FNDC1: variants seen among roughly 807,000 people sequenced by gnomAD.
FNDC1 encodes fibronectin type III domain-containing protein 1.
In FNDC1, 96 loss-of-function variants were observed where a neutral mutation model predicts 168.0. The ratio of observed to expected loss-of-function variants is 0.57; its 90% CI spans 0.48 to 0.68. FNDC1 has a LOEUF of 0.68. Ranked by LOEUF, FNDC1 falls within the 30% of genes least tolerant of loss-of-function variation. The probability of loss-of-function intolerance (pLI) is 0.00; values close to 1 mark genes in which losing one functional copy is unlikely to be tolerated. For missense variants in FNDC1, 2,587 were observed against 2,482.1 expected (o/e 1.04, Z -0.90); for synonymous variants, 1,099 against 1,025.9 (o/e 1.07, Z -1.36).
In FNDC1 at chr6:159,234,055, G is replaced by A; in HGVS notation, c.3543G>A (p.Glu1181=). Residue 1181 remains glutamate (E), a synonymous_variant, in exon 11 of 23, where the codon GAG becomes GAA. Transcript: ENST00000297267. The part of the protein sequence containing the change: ...SQQSVSAEDD[E]EEDAGFFKGG... ...AGTCGGTCTCAGCCGAGGACGACGA[G>A]GAGGAGGACGCGGGATTTTTTAAAG... 2 of 1,612,166 alleles carry A rather than the reference G, an allele frequency of 1.2e-6. No homozygotes were observed. Among genetic ancestry groups the A allele is most frequent in the Non-Finnish European group, 1.7e-6 (2 of 1,179,056 alleles).
At chr6:159,261,154 A>G (rs757796306) in intron 18 of FNDC1, 36 bp from the exon 19 acceptor site, 1 of 1,504,372 alleles carries the variant, frequency 6.6e-7, no homozygotes, top group South Asian at 1.1e-5. Flanking sequence ...AATCAAATAC[A>G]TGTCTCTTTC....
Position 159,261,265 on chromosome 6 carries a change from A to T in FNDC1, c.5250A>T (p.Glu1750Asp). 6.2e-7 allele frequency: 1 copy of T among 1,609,212 alleles called. No homozygotes were observed. The highest frequency in any genetic ancestry group is 8.5e-7 in the Non-Finnish European group (1 of 1,176,034). ...PISPSVSFVT[E>D]SDNPLLVVRP... ...GCCCTTCGGTCTCATTTGTCACCGA[A>T]TCAGGTATGAATGACTTCACATTCT... Residue 1750 changes from glutamate to aspartate, a missense_variant, in exon 19 of 23, where the codon GAA becomes GAT. Transcript: ENST00000297267.
At chr6:159,227,646 C>CTT (rs10537794) in intron 9 of FNDC1, among the ~76,000 whole-genome samples, 29 of 135,958 alleles carry the variant, frequency 2.1e-4, no homozygotes, top group Non-Finnish European at 4.1e-4. Context: ...TCTTCTTTCT[C>CTT]TTTTTTTTTT....
chr6:159,248,467 A>C (rs573514888), intron 15 of FNDC1, among the ~76,000 whole-genome samples: 142 of 152,034 alleles, frequency 9.3e-4, no homozygotes, highest in African/African-American at 3.3e-3. Flanking sequence ...CACCATGCCC[A>C]GCTAATTTTT....
intron 17 of FNDC1, among the ~76,000 whole-genome samples, chr6:159,252,661 A>G (rs146378240): frequency 1.6e-4 from 25 of 152,348 alleles, no homozygotes; most frequent in African/African-American, 5.5e-4. Context: ...AATAGAATGC[A>G]AATCAATCAA....
At chr6:159,252,799 A>G (rs1777296651) in intron 17 of FNDC1, among the ~76,000 whole-genome samples, 1 of 152,244 alleles carries the variant, frequency 6.6e-6, no homozygotes, top group African/African-American at 2.4e-5. Context: ...ACCTTACTTT[A>G]AGCTGTTTAG....
chr6:159,204,703 G>T (rs1782453795), intron 4 of FNDC1, among the ~76,000 whole-genome samples: 1 of 152,202 alleles, frequency 6.6e-6, no homozygotes, highest in East Asian at 1.9e-4. Flanking sequence ...TGATGGCTGG[G>T]CTTTGTGAGA....
chr6:159,172,161 A>G (rs960092097), intron 1 of FNDC1, among the ~76,000 whole-genome samples: 3 of 152,210 alleles, frequency 2.0e-5, no homozygotes, highest in African/African-American at 4.8e-5. Flanking sequence ...TAATAGTGTA[A>G]ATAAATGGGA....
At chr6:159,192,127 T>A (rs770993838) in intron 1 of FNDC1, among the ~76,000 whole-genome samples, 9 of 152,098 alleles carry the variant, frequency 5.9e-5, no homozygotes, top group Non-Finnish European at 1.2e-4. Flanking sequence ...ATCCACCTGC[T>A]TCAGCCTCCC....
chr6:159,171,295 A>G (rs906197811), intron 1 of FNDC1, among the ~76,000 whole-genome samples: 112 of 152,364 alleles, frequency 7.4e-4, no homozygotes, highest in African/African-American at 2.7e-3. Flanking sequence ...GGACAGGCAC[A>G]TTTCAGAATG....
intron 1 of FNDC1, among the ~76,000 whole-genome samples, chr6:159,182,614 G>A (rs1205515618): frequency 6.6e-6 from 1 of 152,206 alleles, no homozygotes; most frequent in East Asian, 1.9e-4. Context: ...ATGTGCCAAT[G>A]TAGTGCTTCC....
intron 1 of FNDC1, among the ~76,000 whole-genome samples, chr6:159,181,287 C>T (rs1781872751): frequency 6.6e-6 from 1 of 152,194 alleles, no homozygotes; most frequent in South Asian, 2.1e-4. Context: ...CACTGGGCCA[C>T]AGCTCAGATG....
At chr6:159,197,274 T>C (rs1782264412) in intron 1 of FNDC1, among the ~76,000 whole-genome samples, 157 bp from the exon 2 acceptor site, 2 of 152,270 alleles carry the variant, frequency 1.3e-5, no homozygotes, top group Admixed American at 1.3e-4. Context: ...GTTGTCACAC[T>C]GTAATGCTGT....
rs1783188219 is a variant in FNDC1 at position 159,234,171 on chromosome 6, C to T, written c.3659C>T (p.Ala1220Val). 6.3e-7 allele frequency: 1 copy of T among 1,599,236 alleles called. No individual in the cohort carries two copies. The highest frequency in any genetic ancestry group is 2.2e-5 in the East Asian group (1 of 44,646). ...RGGKDADGSL[A>V]KEEREPAIAL... Reference sequence around the variant, plus strand: ...GGCAAAGACGCCGATGGGAGCCTCGCCAAGGAAGAGAGGGAGCCTGCCATC... The same window carrying T: ...GGCAAAGACGCCGATGGGAGCCTCGTCAAGGAAGAGAGGGAGCCTGCCATC... Residue 1220 changes from alanine (A) to valine (V), a missense_variant, in exon 11 of 23, where the codon GCC becomes GTC. Coordinates refer to ENST00000297267, the MANE Select transcript of FNDC1 (RefSeq NM_032532.3).
rs1454709127 is a variant in FNDC1, at chr6:159,265,089, G to T, written c.5284+85G>T. ...AGATTGTTGTGATTACTCACAATTA[G>T]AAAGTCTGGACCATTTTCACAATTT... is the stretch of plus-strand genomic sequence containing the variant. On this transcript the variant is annotated intron_variant, in intron 20 of 22. Transcript: ENST00000297267. 4 of 1,206,226 alleles carry T rather than the reference G, an allele frequency of 3.3e-6. No homozygotes were observed. The African/African-American group carries it at 6.1e-5, about 18-fold the overall frequency. 74.7% of individuals were successfully genotyped at this position (1,206,226 alleles called of 1,614,324 possible). A position where few individuals can be genotyped will look rare whatever the true frequency, so the allele number is the denominator to read the frequency against.
Position 159,233,297 on chromosome 6 carries a change from C to G in FNDC1, c.2785C>G (p.Pro929Ala), listed in dbSNP as rs1241360977. 2 of 1,613,834 alleles carry G rather than the reference C, an allele frequency of 1.2e-6. No homozygotes were observed. Residue 929 changes from proline (P) to alanine (A), a missense_variant, in exon 11 of 23, where the codon CCC (proline) becomes GCC (alanine). Pro to Ala is a conservative substitution (Grantham distance 27). Coordinates refer to ENST00000297267, the MANE Select transcript of FNDC1 (RefSeq NM_032532.3). This position sits in a 1 kb window ranked among gnomAD's most constrained non-coding sequence, Gnocchi z 4.6. ...TCGGAAGGAACCCATCCCAGAGAAC[C>G]CCAAATCCACAGGGGCAGATACACA... is the stretch of plus-strand genomic sequence containing the variant. The part of the protein sequence containing the change: ...LHRKEPIPEN[P>A]KSTGADTHPQ...
In FNDC1 at chr6:159,266,182, T is replaced by A; in HGVS notation, c.5383T>A (p.Phe1795Ile). 1 of 1,613,948 alleles carries A rather than the reference T, an allele frequency of 6.2e-7. No homozygotes were observed. The highest frequency in any genetic ancestry group is 8.5e-7 in the Non-Finnish European group (1 of 1,179,876). Residue 1795 changes from phenylalanine to isoleucine, a missense_variant, in exon 21 of 23, where the codon TTC (phenylalanine) becomes ATC (isoleucine). By Grantham distance (21) the Phe-to-Ile change is conservative. Coordinates refer to ENST00000297267, the MANE Select transcript of FNDC1 (RefSeq NM_032532.3). ...TGTGAAGCGCACGTGGTATCGAAAGTTCGTGGGAGTTGTTCTTTGTAATTC... is the reference window on the plus strand; with the variant it reads ...TGTGAAGCGCACGTGGTATCGAAAGATCGTGGGAGTTGTTCTTTGTAATTC... ...QYVKRTWYRK[F>I]VGVVLCNSLR...
intron 5 of FNDC1, among the ~76,000 whole-genome samples, chr6:159,216,052 C>T (rs1288561942): frequency 6.6e-6 from 1 of 152,154 alleles, no homozygotes; most frequent in Non-Finnish European, 1.5e-5. Flanking sequence ...ACCTCCGCCT[C>T]CCGGGTTCAG....
Position 159,236,319 on chromosome 6 carries a change from G to A in FNDC1, c.4068+4G>A, listed in dbSNP as rs1783258313. 2 of 1,603,514 alleles carry A rather than the reference G, an allele frequency of 1.2e-6. No individual in the cohort carries two copies. The highest frequency in any genetic ancestry group is 1.3e-5 in the African/African-American group (1 of 74,856). On this transcript the variant is annotated splice_donor_region_variant and intron_variant, in intron 12 of 22. Transcript: ENST00000297267. Reference sequence around the variant, plus strand: ...TGGCCCTCAAGGAACAAAGTGGGTAGGGTAAACTTCTTTACACATCCCCGT... The same window carrying A: ...TGGCCCTCAAGGAACAAAGTGGGTAAGGTAAACTTCTTTACACATCCCCGT...
Sources: gnomAD v4.1 joint callset for allele counts (sites outside exome capture counted in the v4.1 genomes callset) on GRCh38, gnomAD v4.1.1 for gene constraint, Gnocchi (gnomAD v3.1) non-coding constraint, MANE v1.5 for transcripts, NCBI Gene and HGNC (gene_info 2026-07-23, HGNC 2026-07-21) for gene names.